The following CYTH2 variants were observed in gnomAD, a reference collection of about 807,000 sequenced individuals.
CYTH2 encodes the protein cytohesin 2, also known as cytohesin-2.
A neutral mutation model predicts 55.4 loss-of-function variants in CYTH2; 24 were observed. The ratio of observed to expected loss-of-function variants is 0.43; its 90% confidence interval spans 0.31 to 0.61. CYTH2 has a LOEUF of 0.61. Among genes scored for constraint, CYTH2 ranks in the 20% least tolerant of loss-of-function variants. The probability of loss-of-function intolerance (pLI) is 0.08; values close to 1 mark genes in which losing one functional copy is unlikely to be tolerated. For missense variants in CYTH2, 378 were observed against 533.5 expected, an observed-to-expected ratio of 0.71 and a Z score of 2.87; for synonymous variants, 221 against 209.6, an observed-to-expected ratio of 1.05 and a Z score of -0.47.
In CYTH2 at chr19:48,473,301, A is replaced by G. The variant is rs1338411034; in HGVS notation, c.357A>G (p.Glu119=). 1.9e-6 allele frequency: 3 copies of G among 1,614,024 alleles called. No homozygotes were observed. The highest frequency in any genetic ancestry group is 2.5e-6 in the Non-Finnish European group (3 of 1,179,918). The part of the protein sequence containing the change: ...TAIGDYLGER[E]ELNLAVLHAF... Reference sequence around the variant, plus strand: ...TGTCTTTGTCCCATCCTTCCAGGGAAGAACTGAACCTGGCAGTGCTCCATG... The same window carrying G: ...TGTCTTTGTCCCATCCTTCCAGGGAGGAACTGAACCTGGCAGTGCTCCATG... The change falls in exon 5 of 12, where the codon GAA becomes GAG. Residue 119 remains glutamate, a synonymous_variant. Coordinates refer to ENST00000452733, the MANE Select transcript of CYTH2 (RefSeq NM_004228.7).
At position 48,474,982 on chromosome 19, in the gene CYTH2, G is replaced by A. The variant is rs758704745; in HGVS notation, c.808+33G>A. The A allele has an allele frequency of 4.4e-6, 7 of 1,590,936 alleles. No homozygotes were observed. Among genetic ancestry groups the A allele is most frequent in the Admixed American group, 1.7e-5 (1 of 57,814 alleles). On this transcript the variant is annotated intron_variant, in intron 8 of 11. Coordinates refer to ENST00000452733, the MANE Select transcript of CYTH2 (RefSeq NM_004228.7). The surrounding 1 kb of genome is among the most constrained non-coding windows in gnomAD (Gnocchi z 4.9). ...CCCTCCCGACCCCGCTGGTCCCTCC[G>A]CAGGAGGACATTTGTGGGCCTGGGC...
intron 5 of CYTH2, 182 bp downstream of exon 5, chr19:48,473,560 T>A (rs1338160328): frequency 1.6e-6 from 1 of 633,720 alleles, no homozygotes; most frequent in Non-Finnish European, 2.7e-6. Context: ...GGTATGGCTA[T>A]ATCCAGGAGC....
intron 5 of CYTH2, 71 bp downstream of exon 5, chr19:48,473,449 A>AGG: frequency 6.7e-7 from 1 of 1,497,410 alleles, no homozygotes; most frequent in Non-Finnish European, 9.3e-7. Context: ...CAAGTGACAA[A>AGG]CCTTACTCAA....
chr19:48,471,360 C>G (rs1971789090), intron 3 of CYTH2, among the ~76,000 whole-genome samples: 1 of 152,136 alleles, frequency 6.6e-6, no homozygotes, highest in African/African-American at 2.4e-5. Flanking sequence ...CCATGTTGGC[C>G]AGGCTGCTTC....
rs770485709 is a variant in CYTH2, at chr19:48,472,450, T to C, written c.353+7T>C. 6.2e-7 allele frequency: 1 copy of C among 1,611,660 alleles called. No homozygotes were observed. Among genetic ancestry groups the C allele is most frequent in the Admixed American group, 1.7e-5 (1 of 59,988 alleles). On this transcript the variant is annotated splice_region_variant and intron_variant, in intron 4 of 11. Coordinates refer to ENST00000452733, the MANE Select transcript of CYTH2 (RefSeq NM_004228.7). ...GGGACTACCTGGGGGAGAGGTACGG[T>C]CACCACTCAGCTCCTGTGGGGCCCC... is the stretch of plus-strand genomic sequence containing the variant.
chr19:48,473,422 C>A, intron 5 of CYTH2, 44 bp downstream of exon 5: 2 of 1,583,488 alleles, frequency 1.3e-6, no homozygotes, highest in South Asian at 2.2e-5. Context: ...ATGTACCTGT[C>A]AGGGCCTTCC....
rs185523163 is a variant in CYTH2 at position 48,469,885 on chromosome 19, G to A, written c.19+359G>A. ...GAGGGGAGAAATCTTGGGGGGCGGGGGCCTTCGATGTCCCGCCCCACCTTC... is the reference window on the plus strand; with the variant it reads ...GAGGGGAGAAATCTTGGGGGGCGGGAGCCTTCGATGTCCCGCCCCACCTTC... On this transcript the variant is annotated intron_variant, in intron 1 of 11. Transcript: ENST00000452733. The A allele has an allele frequency of 1.1e-3, 620 of 564,346 alleles. 3 individuals are homozygous for A. The highest frequency in any genetic ancestry group is 1.9e-3 in the East Asian group (45 of 23,862). 35.0% of individuals were successfully genotyped at this position (564,346 alleles called of 1,614,324 possible).
chr19:48,474,711 C>T lies in CYTH2; in HGVS notation c.697-127C>T. 1 of 769,414 alleles carries T rather than the reference C, an allele frequency of 1.3e-6. No homozygotes were observed. The highest frequency in any genetic ancestry group is 1.5e-5 in the South Asian group (1 of 64,790). The allele number at this position is 769,414 out of a possible 1,614,324, so 47.7% of individuals were successfully genotyped here. ...ACTTCTCTGCCTTTCACTTCCCTCT[C>T]CTCCCCACTACCCCTCTCTCTTCCC... On this transcript the variant is annotated intron_variant, in intron 7 of 11. Coordinates refer to ENST00000452733, the MANE Select transcript of CYTH2 (RefSeq NM_004228.7). The surrounding 1 kb of genome is among the most constrained non-coding windows in gnomAD (Gnocchi z 4.9).
At position 48,479,117 on chromosome 19, in the gene CYTH2, C is replaced by T; in HGVS notation, c.1113-6C>T. ...CCCTCATCCTGGGACCCCTCCCCTT[C>T]TGCAGGGCGGCTGTGAGTGTGGACC... is the stretch of plus-strand genomic sequence containing the variant. On this transcript the variant is annotated splice_region_variant and splice_polypyrimidine_tract_variant and intron_variant, in intron 11 of 11. Transcript: ENST00000452733. The T allele has an allele frequency of 6.2e-7, 1 of 1,613,988 alleles. No homozygotes were observed. Among genetic ancestry groups the T allele is most frequent in the South Asian group, 1.1e-5 (1 of 91,088 alleles).
intron 8 of CYTH2, chr19:48,476,395 AC>A (rs1222831887): frequency 1.2e-5 from 2 of 167,032 alleles, no homozygotes; most frequent in African/African-American, 2.6e-5. Flanking sequence ...ACAGAGCGAG[AC>A]CCCGTCTCTA....
intron 4 of CYTH2, chr19:48,472,653 G>A: frequency 1.6e-6 from 1 of 610,254 alleles, no homozygotes; most frequent in Non-Finnish European, 3.0e-6. Context: ...TGGGGATGTG[G>A]GGCCTTCTGG....
Position 48,474,210 on chromosome 19 carries a change from C to G in CYTH2, c.576C>G (p.Val192=). Residue 192 remains valine (V), a synonymous_variant, in exon 7 of 12, where the codon GTC becomes GTG. Coordinates refer to ENST00000452733, the MANE Select transcript of CYTH2 (RefSeq NM_004228.7). This position sits in a 1 kb window ranked among gnomAD's most constrained non-coding sequence, Gnocchi z 4.9. ...CGTGCTATGTGCTGTCCTTCGCCGT[C>G]ATCATGCTCAACACCAGTCTCCACA... ...TDTCYVLSFA[V]IMLNTSLHNP... is the part of the protein sequence containing the mutation. 1.2e-6 allele frequency: 2 copies of G among 1,609,308 alleles called. No individual in the cohort carries two copies. Among genetic ancestry groups the G allele is most frequent in the Non-Finnish European group, 1.7e-6 (2 of 1,177,590 alleles).
In CYTH2 at chr19:48,478,164, G is replaced by A. The variant is rs568892826; in HGVS notation, c.885+19G>A. 26 of 1,613,316 alleles carry A rather than the reference G, an allele frequency of 1.6e-5. No homozygotes were observed. The South Asian group carries it at 1.6e-4, about 10-fold the overall frequency. On this transcript the variant is annotated intron_variant, in intron 9 of 11. Coordinates refer to ENST00000452733, the MANE Select transcript of CYTH2 (RefSeq NM_004228.7). ...CACCACGGTGAGCGTGACCCGACCC[G>A]GGCTCTGGGGTCCTGGGCGGAGTGG...
At position 48,473,939 on chromosome 19, in the gene CYTH2, G is replaced by A. The variant is rs1231790937; in HGVS notation, c.469G>A (p.Ala157Thr). The part of the protein sequence containing the change: ...FLWSFRLPGE[A>T]QKIDRMMEAF... ...ATGGAGCTTTCGCCTACCCGGAGAG[G>A]CCCAGAAAATTGACCGGATGATGGA... The change falls in exon 6 of 12, where the codon GCC (alanine) becomes ACC (threonine). Residue 157 changes from alanine (A) to threonine (T), a missense_variant. Transcript: ENST00000452733. The A allele has an allele frequency of 1.2e-6, 2 of 1,613,628 alleles. No homozygotes were observed. Among genetic ancestry groups the A allele is most frequent in the Non-Finnish European group, 1.7e-6 (2 of 1,179,718 alleles).
At chr19:48,470,990 T>A (rs1971781460) in intron 3 of CYTH2, among the ~76,000 whole-genome samples, 1 of 152,134 alleles carries the variant, frequency 6.6e-6, no homozygotes. Context: ...AAAGGAGAGT[T>A]GACCTCTCTC....
chr19:48,470,723 T>C (rs1569087513), intron 3 of CYTH2, 54 bp downstream of exon 3: 1 of 1,605,386 alleles, frequency 6.2e-7, no homozygotes, highest in Non-Finnish European at 8.5e-7. Context: ...GGCAGGGGCT[T>C]CTGGCACCTC....
In CYTH2 at chr19:48,474,445, G is replaced by A. The variant is rs1014701525; in HGVS notation, c.696+115G>A. 56 of 1,113,914 alleles carry A rather than the reference G, an allele frequency of 5.0e-5. No homozygotes were observed. The highest frequency in any genetic ancestry group is 2.7e-4 in the African/African-American group (17 of 62,846). 69.0% of individuals were successfully genotyped at this position (1,113,914 alleles called of 1,614,324 possible). On this transcript the variant is annotated intron_variant, in intron 7 of 11. Transcript: ENST00000452733. This position sits in a 1 kb window ranked among gnomAD's most constrained non-coding sequence, Gnocchi z 4.9. Reference sequence around the variant, plus strand: ...TCTGCCCTCACCCCCAAGATGGTGCGATCATGCCAACTCGTGTGTGATCTT... The same window carrying A: ...TCTGCCCTCACCCCCAAGATGGTGCAATCATGCCAACTCGTGTGTGATCTT...
rs1601024138 is a variant in CYTH2, at chr19:48,474,429, A to C, written c.696+99A>C. 3 of 1,293,384 alleles carry C rather than the reference A, an allele frequency of 2.3e-6. No homozygotes were observed. Among genetic ancestry groups the C allele is most frequent in the African/African-American group, 1.6e-5 (1 of 60,936 alleles). The allele number at this position is 1,293,384 out of a possible 1,614,324, so 80.1% of individuals were successfully genotyped here. ...CCTAGTGCCCAAGCTGTCTGCCCTC[A>C]CCCCCAAGATGGTGCGATCATGCCA... is the stretch of plus-strand genomic sequence containing the variant. On this transcript the variant is annotated intron_variant, in intron 7 of 11. Transcript: ENST00000452733. This position sits in a 1 kb window ranked among gnomAD's most constrained non-coding sequence, Gnocchi z 4.9.
chr19:48,470,522 C>G (rs1971771847), intron 2 of CYTH2, 22 bp downstream of exon 2: 2 of 1,613,560 alleles, frequency 1.2e-6, no homozygotes, highest in African/African-American at 1.3e-5. Context: ...GGCGGATGAC[C>G]TAGGGGGCGT....
Sources: gnomAD v4.1 joint callset for allele counts (sites outside exome capture counted in the v4.1 genomes callset) on GRCh38, gnomAD v4.1.1 for gene constraint, Gnocchi (gnomAD v3.1) non-coding constraint, MANE v1.5 for transcripts, NCBI Gene and HGNC (gene_info 2026-07-23, HGNC 2026-07-21) for gene names.